Variants in CDC25C observed in about 807,000 individuals in gnomAD.
The protein encoded by CDC25C is cell division cycle 25C, also known as M-phase inducer phosphatase 3.
A neutral mutation model predicts 52.5 loss-of-function variants in CDC25C; 48 were observed. That is an observed-to-expected ratio of 0.91 (90% CI 0.72 to 1.16). CDC25C has a LOEUF of 1.16. CDC25C is among the 50% of genes most tolerant of loss of function. CDC25C has a pLI of 0.00. For synonymous variants in CDC25C, 187 were observed against 206.5 expected (o/e 0.91, Z 0.81); for missense variants, 510 against 566.1 (o/e 0.90, Z 1.01).
chr5:138,290,812 G>A (rs1196080811), intron 8 of CDC25C, 72 bp from the exon 9 acceptor site: 1 of 901,604 alleles, frequency 1.1e-6, no homozygotes. Flanking sequence ...GGATGGAGTG[G>A]GCCATGGTGG....
rs1230645483 is a variant in CDC25C at position 138,311,321 on chromosome 5, C to T, written c.615+7898G>A. Among the ~76,000 whole-genome samples the T allele has an allele frequency of 2.6e-5, 4 of 152,160 alleles. No individual in the cohort carries two copies. The South Asian group carries it at 6.2e-4, about 24-fold the overall frequency. On this transcript the variant is annotated intron_variant, in intron 7 of 13. Transcript: ENST00000323760. The stretch of plus-strand genomic sequence containing the variant: ...TAAAGAAAACATAGGGAGCTGAGCC[C>T]AATGGCTCACACCTGTAATCGCAGC...
At chr5:138,316,452 C>T (rs1758878962) in intron 7 of CDC25C, among the ~76,000 whole-genome samples, 2 of 152,114 alleles carry the variant, frequency 1.3e-5, no homozygotes, top group Non-Finnish European at 2.9e-5. Flanking sequence ...CAGCCTGGTG[C>T]CATGGACTGC....
intron 7 of CDC25C, among the ~76,000 whole-genome samples, chr5:138,308,879 C>A (rs1351438360): frequency 6.6e-6 from 1 of 152,016 alleles, no homozygotes; most frequent in Non-Finnish European, 1.5e-5. Context: ...AACTATGTAA[C>A]CATGGGTATC....
chr5:138,290,797 C>G (rs1245668574), intron 8 of CDC25C, 57 bp from the exon 9 acceptor site: 6 of 1,080,784 alleles, frequency 5.6e-6, no homozygotes, highest in Non-Finnish European at 5.8e-6. Flanking sequence ...GGTTTAAAAA[C>G]CAGTGGATGG....
At chr5:138,316,479 G>C (rs1419822141) in intron 7 of CDC25C, among the ~76,000 whole-genome samples, 1 of 152,146 alleles carries the variant, frequency 6.6e-6, no homozygotes, top group Admixed American at 6.5e-5. Flanking sequence ...AGACAGACAG[G>C]CTCCTGGGTA....
chr5:138,304,955 C>T (rs1308886414), intron 7 of CDC25C, among the ~76,000 whole-genome samples: 1 of 152,174 alleles, frequency 6.6e-6, no homozygotes, highest in African/African-American at 2.4e-5. Flanking sequence ...CAAACACTCA[C>T]CATAGCCTAA....
chr5:138,316,415 T>C (rs1216606638), intron 7 of CDC25C, among the ~76,000 whole-genome samples: 1 of 152,164 alleles, frequency 6.6e-6, no homozygotes, highest in African/African-American at 2.4e-5. Context: ...TGGTCAGTGC[T>C]GGCCTTTAGG....
At chr5:138,314,003 T>C (rs13169515) in intron 7 of CDC25C, among the ~76,000 whole-genome samples, 9 of 62,682 alleles carry the variant, frequency 1.4e-4, no homozygotes, top group East Asian at 7.3e-4. Flanking sequence ...TTCTTTTTTT[T>C]TTTTTTTTGA....
rs372984578 is a variant in CDC25C at position 138,289,556 on chromosome 5, G to A, written c.872C>T (p.Ala291Val). ...HLIGDFSKVCALPTVSGKHQD... is the reference protein window; with the variant it reads ...HLIGDFSKVCVLPTVSGKHQD... ...GTGTTTCCCTGACACGGTTGGCAGC[G>A]CACATACCTAGAAATACACAAGAGC... The change falls in exon 10 of 14, where the codon GCG (alanine) becomes GTG (valine). Residue 291 changes from alanine (A) to valine (V), a missense_variant. Physicochemically the swap from Ala to Val is moderately conservative, Grantham distance 64. Transcript: ENST00000323760. The A allele has an allele frequency of 4.7e-5, 76 of 1,612,606 alleles. No individual in the cohort carries two copies. The highest frequency in any genetic ancestry group is 3.1e-4 in the East Asian group (14 of 44,872).
chr5:138,294,287 G>A (rs1222944055), intron 7 of CDC25C, among the ~76,000 whole-genome samples: 1 of 151,480 alleles, frequency 6.6e-6, no homozygotes, highest in African/African-American at 2.4e-5. Flanking sequence ...TACCTCCCAG[G>A]TTTCAGCAAT....
chr5:138,287,226 C>T lies in CDC25C; in HGVS notation c.969G>A (p.Glu323=). 6.2e-7 allele frequency: 1 copy of T among 1,614,090 alleles called. No individual in the cohort carries two copies. The highest frequency in any genetic ancestry group is 1.3e-5 in the African/African-American group (1 of 75,028). The change falls in exon 11 of 14, where the codon GAG becomes GAA. Residue 323 remains glutamate (E), a synonymous_variant. Transcript: ENST00000323760. Reference sequence around the variant, plus strand: ...AGCGACAATCAATGACATAAAACTTCTCAATCAGACCCTGGAACTTCCCCG... The same window carrying T: ...AGCGACAATCAATGACATAAAACTTTTCAATCAGACCCTGGAACTTCCCCG... ...LLSGKFQGLI[E]KFYVIDCRYP...
At chr5:138,338,230 G>T in exon 1 of CDC25C, 4 of 1,232,606 alleles carry the variant, frequency 3.2e-6, no homozygotes, top group South Asian at 1.3e-5. Context: ...TCGCGCCAGC[G>T]CCTTTTAAGG....
intron 6 of CDC25C, among the ~76,000 whole-genome samples, chr5:138,321,851 A>C (rs1759435298): frequency 6.6e-6 from 1 of 151,760 alleles, no homozygotes; most frequent in African/African-American, 2.4e-5. Flanking sequence ...TGAGATTAGA[A>C]ATAATAATCC....
chr5:138,331,011 G>C lies in CDC25C; in HGVS notation c.170C>G (p.Ser57Cys), dbSNP rs1457124684. 1.2e-6 allele frequency: 2 copies of C among 1,613,124 alleles called. No homozygotes were observed. Among genetic ancestry groups the C allele is most frequent in the African/African-American group, 2.7e-5 (2 of 75,036 alleles). ...CCCAGACAAAATGCTTAGGTTTGCA[G>C]AATCACCAAGAAATTTGCCCACTGG... ...RTPVGKFLGD[S>C]ANLSILSGGT... is the part of the protein sequence containing the mutation. Residue 57 changes from serine to cysteine, a missense_variant, in exon 2 of 14, where the codon TCT (serine) becomes TGT (cysteine). Physicochemically the swap from Ser to Cys is moderately radical, Grantham distance 112. Transcript: ENST00000323760.
upstream of CDC25C, among the ~76,000 whole-genome samples, chr5:138,334,459 C>A (rs376231327): frequency 1.1e-3 from 168 of 152,184 alleles, 6 homozygotes; most frequent in South Asian, 0.034. Context: ...TCAAGTGATT[C>A]TCTTGCCTCA....
intron 4 of CDC25C, among the ~76,000 whole-genome samples, chr5:138,327,253 CAAA>C (rs758956397): frequency 8.1e-6 from 1 of 123,886 alleles, no homozygotes. Context: ...GACTCCATCT[CAAA>C]AAAAAAAAAA....
At chr5:138,308,122 C>G (rs527860831) in intron 7 of CDC25C, among the ~76,000 whole-genome samples, 4 of 152,092 alleles carry the variant, frequency 2.6e-5, no homozygotes, top group East Asian at 3.8e-4. Flanking sequence ...CTGTGCGGCC[C>G]GGTTCCTAAC....
intron 7 of CDC25C, 61 bp downstream of exon 7, chr5:138,319,158 C>A (rs1759139912): frequency 7.0e-7 from 1 of 1,424,270 alleles, no homozygotes; most frequent in South Asian, 1.3e-5. Context: ...TTGTCTAGTT[C>A]TTCTTTTAAC....
rs535156516 is a variant in CDC25C, at chr5:138,306,001, G to A, written c.615+13218C>T. Among the ~76,000 whole-genome samples the A allele has an allele frequency of 2.0e-5, 3 of 152,322 alleles. No individual in the cohort carries two copies. The East Asian group carries it at 5.8e-4, about 29-fold the overall frequency. ...CATGAGCAGCACAGTCTATCTAGCA[G>A]CAAGCCTGATCATGTTCCATGGCAG... is the stretch of plus-strand genomic sequence containing the variant. On this transcript the variant is annotated intron_variant, in intron 7 of 13. Transcript: ENST00000323760.
Sources: allele counts gnomAD v4.1 joint callset (sites outside exome capture counted in the v4.1 genomes callset), GRCh38; gene constraint gnomAD v4.1.1; transcripts MANE v1.5; gene names NCBI Gene and HGNC (gene_info 2026-07-23, HGNC 2026-07-21).